Variants in MTUS2 observed in about 807,000 individuals in gnomAD.
MTUS2 encodes the protein microtubule-associated tumor suppressor candidate 2.
A neutral mutation model predicts 114.1 loss-of-function variants in MTUS2; 40 were observed. The ratio of observed to expected loss-of-function variants is 0.35; its 90% CI spans 0.27 to 0.46. MTUS2 has a LOEUF of 0.46. Among genes scored for constraint, MTUS2 ranks in the 20% least tolerant of loss-of-function variants. The pLI is 1.00. For missense variants in MTUS2, 1,679 were observed against 1,705.4 expected (o/e 0.98, Z 0.27); for synonymous variants, 688 against 672.0 (o/e 1.02, Z -0.37).
chr13:29,250,521 A>G (rs1897085582), intron 5 of MTUS2: 1 of 151,236 alleles, frequency 6.6e-6, no homozygotes, highest in Non-Finnish European at 1.5e-5. Flanking sequence ...ATCTTGGAGC[A>G]TTTCACAGGA....
At position 29,389,355 on chromosome 13, in the gene MTUS2, ATATGTATG is replaced by A. The variant is rs1566172574; in HGVS notation, c.3117+29883_3117+29890del. On this transcript the variant is annotated intron_variant, in intron 8 of 15. Transcript: ENST00000612955. ...TATATATGTATGCACGTGTGTGTAT[ATATGTATG>A]CACGTGTGTGTATATATGTATACAC... 5.9e-3 allele frequency among the ~76,000 whole-genome samples: 483 copies of A among 82,076 alleles called. 37 individuals carry two copies. Among genetic ancestry groups the A allele is most frequent in the Middle Eastern group, 9.4e-3 (1 of 106 alleles). The allele number at this position is 82,076 out of a possible 152,430, so 53.8% of individuals were successfully genotyped here.
At chr13:29,379,474 C>T (rs542937632) in intron 8 of MTUS2, among the ~76,000 whole-genome samples, 15 of 152,292 alleles carry the variant, frequency 9.8e-5, no homozygotes, top group South Asian at 2.1e-4. Context: ...CAGGACGCTG[C>T]GAGAACACAG....
At chr13:29,020,442 G>T (rs1886245880) in intron 2 of MTUS2, among the ~76,000 whole-genome samples, 1 of 152,136 alleles carries the variant, frequency 6.6e-6, no homozygotes, top group Non-Finnish European at 1.5e-5. Flanking sequence ...TTTAGATCCG[G>T]ACAGAAATTC....
chr13:28,951,608 G>T (rs938916504), intron 2 of MTUS2, among the ~76,000 whole-genome samples: 4 of 152,198 alleles, frequency 2.6e-5, no homozygotes, highest in Non-Finnish European at 4.4e-5. Flanking sequence ...AGACCAGCTT[G>T]GGCAACATGG....
rs765593149 is a variant in MTUS2, at chr13:29,480,516, C to T, written c.3399+152C>T. 5.1e-5 allele frequency: 43 copies of T among 840,102 alleles called. No homozygotes were observed. The highest frequency in any genetic ancestry group is 6.9e-5 in the Non-Finnish European group (39 of 562,460). The allele number at this position is 840,102 out of a possible 1,614,324, so 52.0% of individuals were successfully genotyped here. A position where few individuals can be genotyped will look rare whatever the true frequency, so the allele number is the denominator to read the frequency against. ...GTTGCTTTCTCCTTTCTCCCCGCTC[C>T]TCTCTTCTCCTCCAGCCACTGTGGC... On this transcript the variant is annotated intron_variant, in intron 10 of 15. Coordinates refer to ENST00000612955, the MANE Select transcript of MTUS2 (RefSeq NM_001033602.4). The surrounding 1 kb of genome is among the most constrained non-coding windows in gnomAD (Gnocchi z 4.4).
intron 5 of MTUS2, among the ~76,000 whole-genome samples, chr13:29,185,594 A>C (rs1380571066): frequency 2.0e-5 from 3 of 152,192 alleles, no homozygotes; most frequent in East Asian, 1.9e-4. Flanking sequence ...TCTCCCCCCC[A>C]AAAATCATGA....
intron 2 of MTUS2, among the ~76,000 whole-genome samples, chr13:28,931,479 C>T (rs894307767): frequency 1.3e-5 from 2 of 152,008 alleles, no homozygotes; most frequent in Non-Finnish European, 2.9e-5. Flanking sequence ...TTTGCTTGCT[C>T]TCTCTCTCAC....
intron 5 of MTUS2, among the ~76,000 whole-genome samples, chr13:29,222,086 A>T (rs916288270): frequency 1.8e-4 from 27 of 152,204 alleles, no homozygotes; most frequent in African/African-American, 5.8e-4. Flanking sequence ...TAGTGGGACT[A>T]CTGGCAGATG....
chr13:29,065,356 T>G (rs536486119), intron 4 of MTUS2, among the ~76,000 whole-genome samples: 2 of 152,206 alleles, frequency 1.3e-5, no homozygotes. Context: ...ATTGTGGTTT[T>G]GATTTGCATT....
intron 2 of MTUS2, among the ~76,000 whole-genome samples, chr13:28,970,375 A>G (rs527639600): frequency 6.6e-6 from 1 of 152,336 alleles, no homozygotes; most frequent in East Asian, 1.9e-4. Flanking sequence ...TTGGCAACCT[A>G]TGGCCCATAG....
intron 5 of MTUS2, among the ~76,000 whole-genome samples, chr13:29,151,961 T>A (rs1205790793): frequency 2.0e-5 from 3 of 152,188 alleles, no homozygotes. Flanking sequence ...TTTTTGCATC[T>A]ATGTTCATTG....
rs368803951 is a variant in MTUS2, at chr13:28,906,384, G to A, written c.-243+66534G>A. On this transcript the variant is annotated intron_variant, in intron 2 of 15. Coordinates refer to ENST00000612955, the MANE Select transcript of MTUS2 (RefSeq NM_001033602.4). ...TTGGATCTTTCCTGCTTTCTCTTGT[G>A]GGCATTTAGTGCTATAAATTTCCCT... 6.6e-5 allele frequency among the ~76,000 whole-genome samples: 10 copies of A among 150,676 alleles called. No homozygotes were observed. The East Asian group carries it at 1.4e-3, about 20-fold the overall frequency.
At chr13:29,279,771 A>G (rs555087292) in intron 5 of MTUS2, among the ~76,000 whole-genome samples, 1 of 152,346 alleles carries the variant, frequency 6.6e-6, no homozygotes, top group African/African-American at 2.4e-5. Context: ...CCTGGAGAGC[A>G]GCCAAATCTC....
intron 2 of MTUS2, among the ~76,000 whole-genome samples, chr13:28,961,755 C>T (rs112802168): frequency 0.043 from 6,532 of 152,178 alleles, 434 homozygotes; most frequent in African/African-American, 0.15. Flanking sequence ...TGTACCTTTT[C>T]ATTCAACTTT....
chr13:29,149,755 A>G (rs1892592727), intron 5 of MTUS2, among the ~76,000 whole-genome samples: 2 of 152,212 alleles, frequency 1.3e-5, no homozygotes, highest in African/African-American at 4.8e-5. Context: ...TTCCAGCACC[A>G]TTTATTAAAA....
At position 28,977,950 on chromosome 13, in the gene MTUS2, C is replaced by T. The variant is rs187161029; in HGVS notation, c.-242-46507C>T. Among the ~76,000 whole-genome samples, 194 of 152,286 alleles carry T rather than the reference C, an allele frequency of 1.3e-3. 2 individuals are homozygous for T. Among genetic ancestry groups the T allele is most frequent in the Non-Finnish European group, 8.8e-4 (60 of 68,026 alleles). Reference sequence around the variant, plus strand: ...TGTAATACATACACTGTCTCTTTCCCGGACTACCACAGCCCCCTGCAAGAG... The same window carrying T: ...TGTAATACATACACTGTCTCTTTCCTGGACTACCACAGCCCCCTGCAAGAG... On this transcript the variant is annotated intron_variant, in intron 2 of 15. Coordinates refer to ENST00000612955, the MANE Select transcript of MTUS2 (RefSeq NM_001033602.4).
At chr13:29,114,191 ACTT>A (rs1566015716) in intron 5 of MTUS2, among the ~76,000 whole-genome samples, 1 of 152,004 alleles carries the variant, frequency 6.6e-6, no homozygotes, top group African/African-American at 2.4e-5. Context: ...AGTCCCAGGT[ACTT>A]CTTTATAGCA....
intron 2 of MTUS2, among the ~76,000 whole-genome samples, chr13:28,891,858 CAAAA>C (rs1169875500): frequency 1.9e-5 from 1 of 52,184 alleles, no homozygotes; most frequent in South Asian, 8.9e-4. Flanking sequence ...GACTCTGTCT[CAAAA>C]AAAAAAAAAA....
intron 4 of MTUS2, among the ~76,000 whole-genome samples, chr13:29,059,856 C>A (rs1345270150): frequency 6.6e-6 from 1 of 152,204 alleles, no homozygotes; most frequent in South Asian, 2.1e-4. Flanking sequence ...CTACCACTGG[C>A]AAGGGTGGGG....
Sources: allele counts gnomAD v4.1 joint callset (sites outside exome capture counted in the v4.1 genomes callset), GRCh38; gene constraint gnomAD v4.1.1; non-coding constraint Gnocchi (gnomAD v3.1); transcripts MANE v1.5; gene names NCBI Gene and HGNC (gene_info 2026-07-23, HGNC 2026-07-21).